The following EDIL3 variants were observed in gnomAD, a reference collection of about 807,000 sequenced individuals.
EDIL3 encodes the protein EGF-like repeat and discoidin I-like domain-containing protein 3.
EDIL3 carries 37 observed loss-of-function variants against 67.4 expected under a neutral mutation model. The observed-to-expected ratio is 0.55, with a 90% CI of 0.42 to 0.72. The LOEUF (loss-of-function observed/expected upper bound fraction) is 0.72. Ranked by LOEUF, EDIL3 falls within the 30% of genes least tolerant of loss-of-function variation. The probability of loss-of-function intolerance (pLI) is 0.00; values close to 1 mark genes in which losing one functional copy is unlikely to be tolerated. For synonymous variants in EDIL3, 195 were observed against 196.3 expected (o/e 0.99, Z 0.05); for missense variants, 527 against 586.3 (o/e 0.90, Z 1.04).
intron 3 of EDIL3, 102 bp from the exon 4 acceptor site, chr5:84,180,623 G>C: frequency 7.9e-7 from 1 of 1,271,210 alleles, no homozygotes; most frequent in Non-Finnish European, 1.0e-6. Context: ...AAGTGTTCTA[G>C]ATATTAGTGG....
At chr5:83,987,878 T>TATATATATATAC (rs1745083389) in intron 9 of EDIL3, among the ~76,000 whole-genome samples, 2 of 149,174 alleles carry the variant, frequency 1.3e-5, no homozygotes, top group African/African-American at 5.0e-5. Context: ...TGTATATATA[T>TATATATATATAC]ATATATATAT....
chr5:83,994,991 T>C (rs931162663), intron 9 of EDIL3, among the ~76,000 whole-genome samples: 1 of 152,300 alleles, frequency 6.6e-6, no homozygotes, highest in African/African-American at 2.4e-5. Flanking sequence ...CATATGTGTG[T>C]AGTGTGTATA....
intron 1 of EDIL3, among the ~76,000 whole-genome samples, chr5:84,287,051 A>G (rs1462620954): frequency 6.6e-6 from 1 of 152,212 alleles, no homozygotes; most frequent in Admixed American, 6.5e-5. Context: ...CCAGAAAATA[A>G]CACTGGCAAT....
At chr5:84,381,715 C>T (rs1159653618) in intron 1 of EDIL3, among the ~76,000 whole-genome samples, 3 of 152,202 alleles carry the variant, frequency 2.0e-5, no homozygotes, top group Non-Finnish European at 2.9e-5. Context: ...GGCACAGGGA[C>T]AGATTGCATA....
intron 3 of EDIL3, among the ~76,000 whole-genome samples, chr5:84,181,712 G>C (rs1040255448): frequency 1.1e-4 from 16 of 152,124 alleles, no homozygotes; most frequent in Non-Finnish European, 4.4e-5. Flanking sequence ...ATCCAGACTT[G>C]AGATTGTGAA....
intron 1 of EDIL3, among the ~76,000 whole-genome samples, chr5:84,279,372 T>C (rs11745906): frequency 0.27 from 41,589 of 151,984 alleles, 5,842 homozygotes; most frequent in East Asian, 0.43. Context: ...TATTTACTTA[T>C]GGGAGTCCTG....
At chr5:84,118,915 T>C (rs576750924) in intron 5 of EDIL3, among the ~76,000 whole-genome samples, 1 of 152,214 alleles carries the variant, frequency 6.6e-6, no homozygotes, top group Non-Finnish European at 1.5e-5. Flanking sequence ...GTGATACCAA[T>C]ATACACCAAA....
At chr5:84,180,910 G>A (rs1410451975) in intron 3 of EDIL3, among the ~76,000 whole-genome samples, 2 of 152,178 alleles carry the variant, frequency 1.3e-5, no homozygotes, top group Non-Finnish European at 2.9e-5. Flanking sequence ...TAAAATTTCT[G>A]AATTGTAGAA....
intron 1 of EDIL3, among the ~76,000 whole-genome samples, chr5:84,286,051 C>A (rs1745800833): frequency 6.6e-6 from 1 of 152,124 alleles, no homozygotes; most frequent in African/African-American, 2.4e-5. Context: ...AGATGAAACT[C>A]TTGTCCTGTA....
At chr5:84,221,713 G>T (rs1267602628) in intron 3 of EDIL3, among the ~76,000 whole-genome samples, 2 of 151,750 alleles carry the variant, frequency 1.3e-5, no homozygotes, top group Admixed American at 1.3e-4. Flanking sequence ...AAATATTGTA[G>T]CATTTTTTTG....
chr5:83,976,371 T>TG (rs1233837727), intron 9 of EDIL3, among the ~76,000 whole-genome samples: 5 of 151,892 alleles, frequency 3.3e-5, no homozygotes, highest in African/African-American at 1.2e-4. Context: ...AAACAACTAA[T>TG]GTGCTGTATT....
In EDIL3 at chr5:84,384,543, T is replaced by C; in HGVS notation, c.-169A>G. ...AACAAATTCTTGGAGAGGGCGAGAG[T>C]GGTGACTAAAGAGAGGAGCCTTTCC... is the stretch of plus-strand genomic sequence containing the variant. On this transcript the variant is annotated 5_prime_UTR_variant, in exon 1 of 11. Coordinates refer to ENST00000296591, the MANE Select transcript of EDIL3 (RefSeq NM_005711.5). The C allele has an allele frequency of 1.6e-6, 1 of 610,488 alleles. No homozygotes were observed. Among genetic ancestry groups the C allele is most frequent in the Non-Finnish European group, 2.8e-6 (1 of 362,258 alleles). 37.8% of individuals were successfully genotyped at this position (610,488 alleles called of 1,614,324 possible).
intron 2 of EDIL3, among the ~76,000 whole-genome samples, chr5:84,246,359 C>T (rs938148435): frequency 4.6e-5 from 7 of 152,200 alleles, no homozygotes; most frequent in Admixed American, 3.9e-4. Flanking sequence ...ATCAGTTAAC[C>T]ATCTTCTATC....
chr5:84,190,579 G>GTATATA (rs138685119), intron 3 of EDIL3, among the ~76,000 whole-genome samples: 1 of 122,056 alleles, frequency 8.2e-6, no homozygotes, highest in Admixed American at 8.5e-5. Context: ...GTGTGTGTGT[G>GTATATA]TATATATATA....
chr5:84,169,196 T>C (rs1748766079), intron 4 of EDIL3, among the ~76,000 whole-genome samples: 1 of 152,082 alleles, frequency 6.6e-6, no homozygotes. Context: ...TTATTATGCA[T>C]TGTGGTGCTG....
rs1258180619 is a variant in EDIL3, at chr5:83,940,966, T to G, written c.*2453A>C. The stretch of plus-strand genomic sequence containing the variant: ...AATGGAGATGTTTAAAAGTTTAGTT[T>G]CATTAATTGTAAAATTAGCATGTTA... On this transcript the variant is annotated 3_prime_UTR_variant, in exon 11 of 11. Transcript: ENST00000296591. The G allele has an allele frequency of 6.6e-6, 1 of 152,012 alleles. No individual in the cohort carries two copies. Among genetic ancestry groups the G allele is most frequent in the Non-Finnish European group, 1.5e-5 (1 of 67,920 alleles). The allele number at this position is 152,012 out of a possible 1,614,324, so 9.4% of individuals were successfully genotyped here.
At chr5:84,231,914 A>G (rs914149249) in intron 2 of EDIL3, among the ~76,000 whole-genome samples, 1 of 152,178 alleles carries the variant, frequency 6.6e-6, no homozygotes, top group African/African-American at 2.4e-5. Flanking sequence ...ATGGCTGGTC[A>G]CTTTATGTGT....
intron 1 of EDIL3, among the ~76,000 whole-genome samples, chr5:84,290,644 A>C (rs555164578): frequency 9.2e-4 from 140 of 152,278 alleles, no homozygotes; most frequent in African/African-American, 3.2e-3. Flanking sequence ...AGATCTTATA[A>C]AAATAATTTT....
intron 9 of EDIL3, among the ~76,000 whole-genome samples, chr5:83,977,275 A>T (rs1744891366): frequency 6.6e-6 from 1 of 151,826 alleles, no homozygotes. Flanking sequence ...TCAAGTGAAA[A>T]CATTTTATGC....
Sources: gnomAD v4.1 joint callset for allele counts (sites outside exome capture counted in the v4.1 genomes callset) on GRCh38, gnomAD v4.1.1 for gene constraint, MANE v1.5 for transcripts, NCBI Gene and HGNC (gene_info 2026-07-23, HGNC 2026-07-21) for gene names.